ATP11C: variants seen among roughly 807,000 people sequenced by gnomAD.
The protein encoded by ATP11C is phospholipid-transporting ATPase IG.
Under a neutral mutation model 97.4 loss-of-function variants are expected in ATP11C, and 36 were observed. The ratio of observed to expected loss-of-function variants is 0.37; its 90% CI spans 0.28 to 0.49. ATP11C has a LOEUF of 0.49. Ranked by LOEUF, ATP11C falls within the 20% of genes least tolerant of loss-of-function variation. ATP11C has a pLI of 0.98. For synonymous variants in ATP11C, 275 were observed against 290.9 expected (o/e 0.95, Z 0.56); for missense variants, 730 against 824.6 (o/e 0.89, Z 1.40).
At chrX:139,867,727 A>G (rs998865374) in intron 1 of ATP11C, among the ~76,000 whole-genome samples, 2 of 112,190 alleles carry the variant, frequency 1.8e-5, no homozygotes, top group African/African-American at 6.5e-5. Context: ...AGCAGCTAGC[A>G]TGCGCAAAGG....
At chrX:139,742,876 AATATATATAT>A (rs869303916) in intron 26 of ATP11C, among the ~76,000 whole-genome samples, 7 of 26,224 alleles carry the variant, frequency 2.7e-4, no homozygotes, top group African/African-American at 7.0e-4. Context: ...AAAAAAAAAA[AATATATATAT>A]ATATATATAT....
chrX:139,784,791 G>A (rs1354335489), intron 16 of ATP11C, among the ~76,000 whole-genome samples: 5 of 111,275 alleles, frequency 4.5e-5, no homozygotes, highest in Admixed American at 2.9e-4. Flanking sequence ...GTGTCAAGCA[G>A]TAGGGGAACC....
intron 24 of ATP11C, among the ~76,000 whole-genome samples, chrX:139,746,170 A>G (rs1021909998): frequency 1.3e-4 from 15 of 111,913 alleles, no homozygotes; most frequent in Non-Finnish European, 2.8e-4. Flanking sequence ...AGTTTTACAG[A>G]CATTATTTTT....
In ATP11C at chrX:139,741,022, A is replaced by T; in HGVS notation, c.3103T>A (p.Phe1035Ile). ...ATTCCTCCCCAGAAGAATGAGAAAA[A>T]TACATAGAAGGCTAAAGAACCCCAA... The part of the protein sequence containing the change: ...VIWGSLAFYV[F>I]FSFFWGGIIW... The change falls in exon 27 of 30, where the codon TTT becomes ATT. Residue 1035 changes from phenylalanine to isoleucine, a missense_variant. Physicochemically the swap from Phe to Ile is conservative, Grantham distance 21. Coordinates refer to ENST00000682941, the MANE Select transcript of ATP11C (RefSeq NM_001353812.2). 8.3e-7 allele frequency: 1 copy of T among 1,205,585 alleles called. No homozygotes were observed. Among genetic ancestry groups the T allele is most frequent in the South Asian group, 1.8e-5 (1 of 56,776 alleles).
intron 16 of ATP11C, 61 bp downstream of exon 16, chrX:139,785,165 G>C: frequency 1.1e-6 from 1 of 879,302 alleles, no homozygotes; most frequent in Middle Eastern, 2.8e-4. Context: ...CTGAAAGAGT[G>C]AATCAACCAA....
intron 29 of ATP11C, among the ~76,000 whole-genome samples, chrX:139,731,193 A>G (rs1173536185): frequency 8.9e-6 from 1 of 112,082 alleles, no homozygotes; most frequent in East Asian, 2.8e-4. Context: ...ATGAAGGTAC[A>G]AACACATTTA....
intron 5 of ATP11C, 63 bp downstream of exon 5, chrX:139,814,815 A>C (rs1032191912): frequency 4.7e-6 from 3 of 644,111 alleles, no homozygotes; most frequent in Middle Eastern, 7.6e-4. Flanking sequence ...AATGACACTA[A>C]ATTATACACT....
chrX:139,760,577 T>A (rs1447054443), intron 22 of ATP11C, among the ~76,000 whole-genome samples: 1 of 111,582 alleles, frequency 9.0e-6, no homozygotes, highest in African/African-American at 3.3e-5. Context: ...ATGATTTGAG[T>A]AGTTGGAAGA....
chrX:139,936,778 T>C (rs890431960), upstream of ATP11C, among the ~76,000 whole-genome samples: 1 of 111,100 alleles, frequency 9.0e-6, no homozygotes, highest in Non-Finnish European at 1.9e-5. Context: ...CACTAGAGCA[T>C]AGGATGTAGG....
intron 1 of ATP11C, among the ~76,000 whole-genome samples, chrX:139,870,358 T>C (rs1228457574): frequency 8.9e-6 from 1 of 112,523 alleles, no homozygotes; most frequent in Non-Finnish European, 1.9e-5. Flanking sequence ...TATGTTCAAG[T>C]ATATGATACT....
At chrX:139,779,863 T>C (rs758493099) in intron 18 of ATP11C, among the ~76,000 whole-genome samples, 2 of 111,107 alleles carry the variant, frequency 1.8e-5, no homozygotes, top group African/African-American at 3.3e-5. Context: ...CAATCAGAAA[T>C]GACAAAGGTG....
At position 139,825,241 on chromosome X, in the gene ATP11C, C is replaced by A. The variant is rs569388631; in HGVS notation, c.147+1463G>T. ...AAACAGCACGATGATGTAAAAAGACCTCTTTATTCAGAGCAACTAGACCTT... is the reference window on the plus strand; with the variant it reads ...AAACAGCACGATGATGTAAAAAGACATCTTTATTCAGAGCAACTAGACCTT... On this transcript the variant is annotated intron_variant, in intron 2 of 29. Coordinates refer to ENST00000682941, the MANE Select transcript of ATP11C (RefSeq NM_001353812.2). Among the ~76,000 whole-genome samples the A allele has an allele frequency of 3.1e-4, 35 of 111,537 alleles. No individual in the cohort carries two copies. In the South Asian group the frequency reaches 0.013, roughly 42 times the overall value.
chrX:139,821,147 C>T (rs2083401411), intron 2 of ATP11C, among the ~76,000 whole-genome samples: 1 of 111,909 alleles, frequency 8.9e-6, no homozygotes, highest in Admixed American at 9.5e-5. Context: ...CAAAAGGAGG[C>T]AAGTACATTC....
chrX:139,756,226 C>G (rs939668788), intron 23 of ATP11C, among the ~76,000 whole-genome samples: 1 of 112,013 alleles, frequency 8.9e-6, no homozygotes, highest in African/African-American at 3.2e-5. Flanking sequence ...TGAAAAAACG[C>G]TCAACATCAC....
rs750121703 is a variant in ATP11C at position 139,750,151 on chromosome X, G to A, written c.2702C>T (p.Pro901Leu). 8.5e-6 allele frequency: 10 copies of A among 1,170,608 alleles called. No individual in the cohort carries two copies. The Admixed American group carries it at 2.2e-4, about 26-fold the overall frequency. The change falls in exon 24 of 30, where the codon CCA becomes CTA. Residue 901 changes from proline (P) to leucine (L), a missense_variant and splice_region_variant. Transcript: ENST00000682941. ...TGTAAGGTAAGCAGCATCATACAGT[G>A]GCTAAAATGAAAAACAACAGAGGAA... Reference protein sequence around the residue: ...YQFFCGFSQQPLYDAAYLTMY... With the variant: ...YQFFCGFSQQLLYDAAYLTMY...
chrX:139,872,537 G>A (rs1048906529), intron 1 of ATP11C, among the ~76,000 whole-genome samples: 90 of 88,391 alleles, frequency 1.0e-3, no homozygotes, highest in Middle Eastern at 0.012. Context: ...GACAGGCCCC[G>A]GTGTGTGATG....
intron 1 of ATP11C, among the ~76,000 whole-genome samples, chrX:139,854,163 T>C (rs1178659459): frequency 8.9e-6 from 1 of 112,003 alleles, no homozygotes; most frequent in Non-Finnish European, 1.9e-5. Context: ...TAATCAAACA[T>C]GGATGAGCTG....
intron 2 of ATP11C, among the ~76,000 whole-genome samples, chrX:139,823,969 T>A (rs990455612): frequency 9.3e-6 from 1 of 107,960 alleles, no homozygotes; most frequent in Non-Finnish European, 1.9e-5. Context: ...AGAAAAAAAA[T>A]CAACTCCATT....
chrX:139,787,630 C>T (rs1462281951), intron 14 of ATP11C, among the ~76,000 whole-genome samples: 3 of 112,777 alleles, frequency 2.7e-5, no homozygotes, highest in East Asian at 5.5e-4. Context: ...GTAACTCATG[C>T]TTGTTTATGC....
Sources: gnomAD v4.1 joint callset for allele counts (sites outside exome capture counted in the v4.1 genomes callset) on GRCh38, gnomAD v4.1.1 for gene constraint, MANE v1.5 for transcripts, NCBI Gene and HGNC (gene_info 2026-07-23, HGNC 2026-07-21) for gene names.